The following VPS8 variants were observed in gnomAD, a reference collection of about 807,000 sequenced individuals.
VPS8 encodes the protein vacuolar protein sorting-associated protein 8 homolog.
A neutral mutation model predicts 216.4 loss-of-function variants in VPS8; 129 were observed. The ratio of observed to expected loss-of-function variants is 0.60; its 90% CI spans 0.52 to 0.69. VPS8 has a LOEUF of 0.69. VPS8 is among the 30% of genes least tolerant of loss of function. The probability of loss-of-function intolerance (pLI) is 0.00; values close to 1 mark genes in which losing one functional copy is unlikely to be tolerated. For synonymous variants in VPS8, 571 were observed against 565.4 expected, an observed-to-expected ratio of 1.01 and a Z score of -0.14; for missense variants, 1,531 against 1,683.5, an observed-to-expected ratio of 0.91 and a Z score of 1.59.
In VPS8 at chr3:184,898,635, A is replaced by G. The variant is rs1458359980; in HGVS notation, c.2075A>G (p.Glu692Gly). The change falls in exon 24 of 48, where the codon GAA becomes GGA. Residue 692 changes from glutamate (E) to glycine (G), a missense_variant. Coordinates refer to ENST00000625842, the MANE Select transcript of VPS8 (RefSeq NM_001009921.3). ...TATGTCTACAACAGAGGCATGAATGAATTTATTAGTCCAATGGAGGTAAGA... is the reference window on the plus strand; with the variant it reads ...TATGTCTACAACAGAGGCATGAATGGATTTATTAGTCCAATGGAGGTAAGA... ...MIYVYNRGMN[E>G]FISPMEKLFR... is the part of the protein sequence containing the mutation. 6.4e-7 allele frequency: 1 copy of G among 1,552,852 alleles called. No homozygotes were observed. Among genetic ancestry groups the G allele is most frequent in the Non-Finnish European group, 8.7e-7 (1 of 1,147,554 alleles).
At chr3:184,930,410 T>C in intron 33 of VPS8, 60 bp from the exon 34 acceptor site, 1 of 1,228,920 alleles carries the variant, frequency 8.1e-7, no homozygotes, top group Non-Finnish European at 1.2e-6. Flanking sequence ...CTGGTTCAGT[T>C]GGTAGGGACT....
At chr3:184,859,804 A>G (rs922876145) in intron 14 of VPS8, among the ~76,000 whole-genome samples, 181 bp from the exon 15 acceptor site, 2 of 152,218 alleles carry the variant, frequency 1.3e-5, no homozygotes, top group Non-Finnish European at 2.9e-5. Flanking sequence ...GGTGTAAATA[A>G]TGGAACAAAT....
intron 40 of VPS8, among the ~76,000 whole-genome samples, chr3:184,981,925 A>T (rs899859799): frequency 6.7e-6 from 1 of 150,334 alleles, no homozygotes; most frequent in African/African-American, 2.4e-5. Flanking sequence ...AATGTAAAGC[A>T]TTTAATAGTG....
intron 47 of VPS8, among the ~76,000 whole-genome samples, chr3:185,050,247 C>A (rs981420871): frequency 6.6e-6 from 1 of 151,520 alleles, no homozygotes; most frequent in Non-Finnish European, 1.5e-5. Flanking sequence ...TTGCAGAGAA[C>A]GTCGCAGGCT....
intron 22 of VPS8, among the ~76,000 whole-genome samples, chr3:184,893,973 A>G (rs967213751): frequency 6.6e-6 from 1 of 152,232 alleles, no homozygotes; most frequent in South Asian, 2.1e-4. Context: ...TCTGTGGTCA[A>G]TATAACTCAA....
intron 44 of VPS8, 59 bp from the exon 45 acceptor site, chr3:184,999,637 C>A: frequency 6.6e-7 from 1 of 1,524,300 alleles, no homozygotes; most frequent in Non-Finnish European, 8.8e-7. Flanking sequence ...CACTTACAAG[C>A]TTATATTTAT....
chr3:184,997,722 T>G (rs1283722524), intron 44 of VPS8, among the ~76,000 whole-genome samples: 1 of 152,110 alleles, frequency 6.6e-6, no homozygotes, highest in Non-Finnish European at 1.5e-5. Flanking sequence ...ACAGAGTGTT[T>G]GGTGGGGGGT....
At chr3:184,979,614 A>G (rs1037238471) in intron 40 of VPS8, among the ~76,000 whole-genome samples, 5 of 152,134 alleles carry the variant, frequency 3.3e-5, no homozygotes, top group Non-Finnish European at 7.4e-5. Flanking sequence ...AAATTAGAAT[A>G]GCAACCCCTG....
chr3:185,020,469 CTTTT>C (rs577443262), intron 45 of VPS8, among the ~76,000 whole-genome samples: 21 of 130,930 alleles, frequency 1.6e-4, no homozygotes, highest in Admixed American at 3.1e-4. Context: ...AAAATTAAGG[CTTTT>C]TTTTTTTTTT....
At position 184,853,934 on chromosome 3, in the gene VPS8, C is replaced by T; in HGVS notation, c.899C>T (p.Pro300Leu). 1.2e-6 allele frequency: 2 copies of T among 1,612,918 alleles called. No homozygotes were observed. ...AAGGGTGAAGTCTGCTGTATTGAGC[C>T]TCTGCATTCTAAGCCTGAGTTGAAA... Reference protein sequence around the residue: ...GSKGEVCCIEPLHSKPELKDH... With the variant: ...GSKGEVCCIELLHSKPELKDH... Residue 300 changes from proline to leucine, a missense_variant, in exon 12 of 48, where the codon CCT (proline) becomes CTT (leucine). Transcript: ENST00000625842.
At chr3:185,025,002 C>CAAAAAA (rs10672539) in intron 46 of VPS8, among the ~76,000 whole-genome samples, 1 of 150,046 alleles carries the variant, frequency 6.7e-6, no homozygotes, top group African/African-American at 2.5e-5. Context: ...AACTCCATCT[C>CAAAAAA]AAAAAAAGAA....
chr3:184,923,967 A>G (rs1739111489), intron 29 of VPS8, among the ~76,000 whole-genome samples: 1 of 152,210 alleles, frequency 6.6e-6, no homozygotes, highest in Non-Finnish European at 1.5e-5. Context: ...TCATTATATT[A>G]TGCCTTTTAT....
chr3:184,924,773 A>C (rs1477765377), intron 29 of VPS8, 89 bp from the exon 30 acceptor site: 2 of 1,460,224 alleles, frequency 1.4e-6, no homozygotes, highest in African/African-American at 2.9e-5. Flanking sequence ...GTCTTCAGTC[A>C]TGAGGCTATC....
chr3:184,878,558 G>A (rs1729693300), intron 21 of VPS8, among the ~76,000 whole-genome samples: 1 of 152,154 alleles, frequency 6.6e-6, no homozygotes, highest in South Asian at 2.1e-4. Context: ...GTCAAAGAGT[G>A]GACAGTGACT....
chr3:184,950,303 CAA>C (rs1368611243), intron 36 of VPS8, among the ~76,000 whole-genome samples: 1 of 125,532 alleles, frequency 8.0e-6, no homozygotes, highest in Non-Finnish European at 1.6e-5. Context: ...ACTGGGTAGT[CAA>C]AAGGGGGCCA....
At chr3:185,021,097 TA>T (rs1367327582) in intron 45 of VPS8, among the ~76,000 whole-genome samples, 1 of 152,122 alleles carries the variant, frequency 6.6e-6, no homozygotes, top group African/African-American at 2.4e-5. Flanking sequence ...AACAAGATGA[TA>T]AAGAAGATAT....
intron 25 of VPS8, among the ~76,000 whole-genome samples, chr3:184,912,120 C>T (rs1736653307): frequency 6.6e-6 from 1 of 152,278 alleles, no homozygotes; most frequent in Admixed American, 6.5e-5. Flanking sequence ...CCTCCCCTTT[C>T]TAAACCAAAG....
At chr3:185,043,913 G>A (rs1048800840) in intron 46 of VPS8, among the ~76,000 whole-genome samples, 1 of 152,114 alleles carries the variant, frequency 6.6e-6, no homozygotes, top group African/African-American at 2.4e-5. Flanking sequence ...CTTTCGGCTG[G>A]GCACAGTGGC....
chr3:184,992,074 T>C (rs1751972206), intron 42 of VPS8, among the ~76,000 whole-genome samples: 1 of 152,138 alleles, frequency 6.6e-6, no homozygotes, highest in South Asian at 2.1e-4. Flanking sequence ...TGGCAGACAG[T>C]CTCATGCTGC....
Sources: gnomAD v4.1 joint callset for allele counts (sites outside exome capture counted in the v4.1 genomes callset) on GRCh38, gnomAD v4.1.1 for gene constraint, MANE v1.5 for transcripts, NCBI Gene and HGNC (gene_info 2026-07-23, HGNC 2026-07-21) for gene names.